Variants in PCGF3 observed in about 807,000 individuals in gnomAD.
The protein encoded by PCGF3 is polycomb group ring finger 3.
Under a neutral mutation model 33.1 loss-of-function variants are expected in PCGF3, and 7 were observed. That is an observed-to-expected ratio of 0.21 (90% CI 0.12 to 0.40). The LOEUF (loss-of-function observed/expected upper bound fraction) is 0.40, where lower values mean the gene tolerates loss of function less well. PCGF3 is among the 10% of genes least tolerant of loss of function. The pLI is 1.00. For synonymous variants in PCGF3, 153 were observed against 121.3 expected (o/e 1.26, Z -1.72); for missense variants, 211 against 313.3 (o/e 0.67, Z 2.46).
At chr4:750,962 T>C (rs1328138860) in intron 8 of PCGF3, among the ~76,000 whole-genome samples, 1 of 152,208 alleles carries the variant, frequency 6.6e-6, no homozygotes, top group African/African-American at 2.4e-5. Flanking sequence ...TTCAGCTGTG[T>C]TACGGAGGCC....
intron 1 of PCGF3, among the ~76,000 whole-genome samples, chr4:713,451 C>A (rs1169954169): frequency 8.0e-6 from 1 of 124,302 alleles, no homozygotes. Flanking sequence ...GTCTTGTGTG[C>A]CTTGTGGGGG....
chr4:713,787 C>T (rs991890360), intron 1 of PCGF3, among the ~76,000 whole-genome samples: 1 of 152,092 alleles, frequency 6.6e-6, no homozygotes, highest in African/African-American at 2.4e-5. Context: ...GGAATCAGAC[C>T]GTAAAAGCTG....
chr4:763,111 G>C (rs1745157586), intron 9 of PCGF3, among the ~76,000 whole-genome samples: 1 of 152,106 alleles, frequency 6.6e-6, no homozygotes, highest in Non-Finnish European at 1.5e-5. Context: ...GGGCTGCCTG[G>C]AGATCATGGA....
intron 6 of PCGF3, among the ~76,000 whole-genome samples, chr4:738,695 A>G: frequency 0.021 from 1 of 48 alleles, no homozygotes; most frequent in South Asian, 0.25. Flanking sequence ...CAAAAATACA[A>G]AAAAAAAAAA....
rs1391552305 is a variant in PCGF3, at chr4:761,825, G to A, written c.600+409G>A. ...TGGCATGAGGCGGCCTTGGCAGCGG[G>A]CGCACCATGAACATGCCAGTGTGGG... On this transcript the variant is annotated intron_variant, in intron 9 of 10. Coordinates refer to ENST00000362003, the Ensembl canonical transcript of PCGF3. 4 of 985,324 alleles carry A rather than the reference G, an allele frequency of 4.1e-6. No individual in the cohort carries two copies. In the African/African-American group the frequency reaches 7.0e-5, roughly 17 times the overall value. 61.0% of individuals were successfully genotyped at this position (985,324 alleles called of 1,614,324 possible). A position where few individuals can be genotyped will look rare whatever the true frequency, so the allele number is the denominator to read the frequency against.
At chr4:717,465 C>T (rs1742905974) in intron 1 of PCGF3, among the ~76,000 whole-genome samples, 2 of 152,150 alleles carry the variant, frequency 1.3e-5, no homozygotes, top group African/African-American at 4.8e-5. Context: ...CTGTAACCTC[C>T]ACTTCCTGAG....
rs557799325 is a variant in PCGF3 at position 713,560 on chromosome 4, C to T, written c.-190+7590C>T. Among the ~76,000 whole-genome samples the T allele has an allele frequency of 4.3e-4, 65 of 150,798 alleles. 1 individual carries two copies. The highest frequency in any genetic ancestry group is 4.2e-3 in the Admixed American group (64 of 15,182). ...TGTGTGGCCTCGTCAGGGCTGTGGCCTCATGGATCCTGTGTGGCCTCGTGG... is the reference window on the plus strand; with the variant it reads ...TGTGTGGCCTCGTCAGGGCTGTGGCTTCATGGATCCTGTGTGGCCTCGTGG... On this transcript the variant is annotated intron_variant, in intron 1 of 10. Transcript: ENST00000362003.
exon 11 of PCGF3, chr4:766,872 T>A (rs1208904175): frequency 1.3e-5 from 2 of 152,260 alleles, no homozygotes; most frequent in Non-Finnish European, 2.9e-5. Context: ...ACTCTTACTT[T>A]TAAAAATTAC....
At chr4:756,596 TG>T (rs904445041) in intron 8 of PCGF3, among the ~76,000 whole-genome samples, 3 of 152,200 alleles carry the variant, frequency 2.0e-5, no homozygotes, top group African/African-American at 7.2e-5. Context: ...AGAATTTTCA[TG>T]TTTTTTTTAA....
At chr4:719,882 C>T (rs1015054607) in intron 1 of PCGF3, among the ~76,000 whole-genome samples, 5 of 152,060 alleles carry the variant, frequency 3.3e-5, no homozygotes, top group African/African-American at 4.8e-5. Flanking sequence ...GCAGTCGGAG[C>T]GTCGGGGCCG....
chr4:737,545 A>T, intron 6 of PCGF3, 24 bp downstream of exon 6: 1 of 1,519,224 alleles, frequency 6.6e-7, no homozygotes, highest in South Asian at 1.1e-5. Flanking sequence ...TGTCTTGCTG[A>T]TCCCTGAGGT....
intron 6 of PCGF3, 33 bp from the exon 7 acceptor site, chr4:743,441 T>G: frequency 3.2e-6 from 4 of 1,256,646 alleles, no homozygotes; most frequent in Middle Eastern, 1.9e-4. Flanking sequence ...CCACTGCCTG[T>G]GAGATGAAAG....
intron 1 of PCGF3, among the ~76,000 whole-genome samples, chr4:717,312 C>T (rs183055049): frequency 6.7e-6 from 1 of 149,068 alleles, no homozygotes; most frequent in African/African-American, 2.5e-5. Context: ...AACTGGGCGT[C>T]GGTGCTGGGA....
At chr4:706,896 C>T (rs1742330953) in intron 1 of PCGF3, among the ~76,000 whole-genome samples, 1 of 133,292 alleles carries the variant, frequency 7.5e-6, no homozygotes, top group African/African-American at 2.9e-5. Context: ...CCAGGGAGGG[C>T]GAAGACCCCA....
intron 8 of PCGF3, 25 bp from the exon 9 acceptor site, chr4:761,254 C>A: frequency 6.4e-7 from 1 of 1,556,354 alleles, no homozygotes; most frequent in South Asian, 1.2e-5. Flanking sequence ...TCCTGCTGCG[C>A]TCTCACCAGC....
chr4:752,100 G>T (rs1418444913), intron 8 of PCGF3, among the ~76,000 whole-genome samples: 3 of 152,258 alleles, frequency 2.0e-5, no homozygotes, highest in African/African-American at 4.8e-5. Flanking sequence ...AGGGGATGGG[G>T]ATCCTCCTGG....
chr4:760,757 T>A (rs1021700189), intron 8 of PCGF3, among the ~76,000 whole-genome samples: 1 of 152,216 alleles, frequency 6.6e-6, no homozygotes, highest in African/African-American at 2.4e-5. Flanking sequence ...AGGGAGCCCG[T>A]GGCTGCTGGG....
chr4:713,841 G>C lies in PCGF3; in HGVS notation c.-190+7871G>C, dbSNP rs531888371. ...AGCCTGGCACAGCAGAGGGCGCACA[G>C]GGCAGGCATCATTGGAATGTGGGGG... is the stretch of plus-strand genomic sequence containing the variant. On this transcript the variant is annotated intron_variant, in intron 1 of 10. Coordinates refer to ENST00000362003, the Ensembl canonical transcript of PCGF3. Among the ~76,000 whole-genome samples, 9 of 152,292 alleles carry C rather than the reference G, an allele frequency of 5.9e-5. No homozygotes were observed. In the South Asian group the frequency reaches 1.9e-3, roughly 32 times the overall value.
chr4:769,865 G>A (rs887080178), exon 11 of PCGF3: 1 of 152,684 alleles, frequency 6.5e-6, no homozygotes, highest in Non-Finnish European at 1.5e-5. Context: ...CAGTCGAGGT[G>A]TGGAGGTGAT....
Sources: gnomAD v4.1 joint callset for allele counts (sites outside exome capture counted in the v4.1 genomes callset) on GRCh38, gnomAD v4.1.1 for gene constraint, MANE v1.5 for transcripts, NCBI Gene and HGNC (gene_info 2026-07-23, HGNC 2026-07-21) for gene names.